ZBTB16: variants seen among roughly 807,000 people sequenced by gnomAD.
The protein encoded by ZBTB16 is zinc finger and BTB domain-containing protein 16.
In ZBTB16, 8 loss-of-function variants were observed where a neutral mutation model predicts 56.8. That is an observed-to-expected ratio of 0.14 (90% CI 0.08 to 0.25). The LOEUF is 0.25. ZBTB16 is among the 10% of genes least tolerant of loss of function. ZBTB16 has a pLI of 1.00. For synonymous variants in ZBTB16, 363 were observed against 368.5 expected (o/e 0.98, Z 0.17); for missense variants, 625 against 903.0 (o/e 0.69, Z 3.95).
intron 4 of ZBTB16, among the ~76,000 whole-genome samples, chr11:114,223,935 G>A (rs763040203): frequency 6.6e-6 from 1 of 152,158 alleles, no homozygotes; most frequent in Non-Finnish European, 1.5e-5. Context: ...ACAAGTTCAT[G>A]GAACTGAAAA....
chr11:114,158,451 T>G (rs1477248303), intron 3 of ZBTB16, among the ~76,000 whole-genome samples: 1 of 152,200 alleles, frequency 6.6e-6, no homozygotes, highest in Non-Finnish European at 1.5e-5. Flanking sequence ...TCTTCCAAGG[T>G]CCCTTCCATG....
chr11:114,236,930 C>G (rs1337496129), intron 4 of ZBTB16, among the ~76,000 whole-genome samples: 1 of 152,232 alleles, frequency 6.6e-6, no homozygotes, highest in East Asian at 1.9e-4. Flanking sequence ...GTTGTTGGCA[C>G]TGAATCCTAA....
At chr11:114,246,832 T>G (rs543303766) in intron 5 of ZBTB16, 73 of 299,282 alleles carry the variant, frequency 2.4e-4, no homozygotes, top group African/African-American at 1.5e-3. Flanking sequence ...CTGGAGTGAC[T>G]TTCACCCTTA....
Position 114,237,908 on chromosome 11 carries a change from G to A in ZBTB16, c.1454-4259G>A, listed in dbSNP as rs11214912. ...GGGAAAGTGGATGCTGAGTCTCAGA[G>A]GCTCCCCTTTCTTCCCCTGGGAGCC... On this transcript the variant is annotated intron_variant, in intron 4 of 6. Coordinates refer to ENST00000335953, the MANE Select transcript of ZBTB16 (RefSeq NM_006006.6). Among the ~76,000 whole-genome samples the A allele has an allele frequency of 1.3e-4, 20 of 152,278 alleles. No homozygotes were observed. In the East Asian group the frequency reaches 3.9e-3, roughly 29 times the overall value.
At chr11:114,139,559 C>A (rs920481509) in intron 2 of ZBTB16, among the ~76,000 whole-genome samples, 5 of 151,900 alleles carry the variant, frequency 3.3e-5, no homozygotes, top group East Asian at 1.9e-4. Context: ...TCTCCCCCCC[C>A]AAAGACCAGC....
chr11:114,209,134 T>C (rs1489892114), intron 4 of ZBTB16, among the ~76,000 whole-genome samples: 1 of 152,064 alleles, frequency 6.6e-6, no homozygotes, highest in Non-Finnish European at 1.5e-5. Context: ...AGGAGGTCTT[T>C]TTGCGACTTG....
chr11:114,118,429 A>C (rs1196607128), intron 2 of ZBTB16, among the ~76,000 whole-genome samples: 1 of 151,298 alleles, frequency 6.6e-6, no homozygotes, highest in Non-Finnish European at 1.5e-5. Context: ...TGCTTGCCTC[A>C]CCTCCCAAAG....
chr11:114,083,230 T>TA (rs974991415), intron 2 of ZBTB16, among the ~76,000 whole-genome samples: 3 of 152,258 alleles, frequency 2.0e-5, no homozygotes, highest in African/African-American at 7.2e-5. Context: ...TTGTCTTTTT[T>TA]AAAAAAAGAA....
At chr11:114,206,944 C>T (rs920171862) in intron 4 of ZBTB16, among the ~76,000 whole-genome samples, 1 of 152,130 alleles carries the variant, frequency 6.6e-6, no homozygotes, top group African/African-American at 2.4e-5. Context: ...GGTCTGAAGG[C>T]AAGTGACACT....
chr11:114,170,414 A>C (rs1276829994), intron 3 of ZBTB16, among the ~76,000 whole-genome samples: 2 of 152,144 alleles, frequency 1.3e-5, no homozygotes, highest in Non-Finnish European at 2.9e-5. Flanking sequence ...TTTAGTGAAG[A>C]CTGAGCTTGT....
chr11:114,092,901 T>C (rs238940), intron 2 of ZBTB16, among the ~76,000 whole-genome samples: 125,660 of 152,066 alleles, frequency 0.83, 54,186 homozygotes, highest in Non-Finnish European at 0.95. Flanking sequence ...GCATGTTCCC[T>C]TCTGGTCTCC....
At position 114,255,250 on chromosome 11, in the gene ZBTB16, G is replaced by A. The variant is rs914512094; in HGVS notation, c.*4695G>A. ...TTGTGGCTTGTCTTATGTCGTGATA[G>A]CACAAGTGCCAGTCGGATTGCTCTG... On this transcript the variant is annotated 3_prime_UTR_variant, in exon 7 of 7. Coordinates refer to ENST00000335953, the MANE Select transcript of ZBTB16 (RefSeq NM_006006.6). Among the ~76,000 whole-genome samples, 2 of 152,102 alleles carry A rather than the reference G, an allele frequency of 1.3e-5. No individual in the cohort carries two copies. Among genetic ancestry groups the A allele is most frequent in the African/African-American group, 4.8e-5 (2 of 41,420 alleles).
In ZBTB16 at chr11:114,213,056, C is replaced by T. The variant is rs555788190; in HGVS notation, c.1453+26018C>T. ...TTGTCTGTCTGTTCCCCCATCCCCCCGACCCCCTGTGTGCCCACAGGGGGC... is the reference window on the plus strand; with the variant it reads ...TTGTCTGTCTGTTCCCCCATCCCCCTGACCCCCTGTGTGCCCACAGGGGGC... On this transcript the variant is annotated intron_variant, in intron 4 of 6. Coordinates refer to ENST00000335953, the MANE Select transcript of ZBTB16 (RefSeq NM_006006.6). Among the ~76,000 whole-genome samples the T allele has an allele frequency of 1.7e-3, 265 of 152,088 alleles. 1 individual carries two copies. Among genetic ancestry groups the T allele is most frequent in the African/African-American group, 4.1e-3 (172 of 41,494 alleles).
chr11:114,167,231 G>T lies in ZBTB16; in HGVS notation c.1366+10797G>T, dbSNP rs148954512. ...TGGATTTGTGGTTTTTTTTTTTTTT[G>T]GTTTTTTTTTTTTTTTTTTTTTGAC... On this transcript the variant is annotated intron_variant, in intron 3 of 6. Transcript: ENST00000335953. Among the ~76,000 whole-genome samples the T allele has an allele frequency of 7.5e-3, 322 of 43,110 alleles. 18 individuals are homozygous for T. The highest frequency in any genetic ancestry group is 0.016 in the South Asian group (10 of 610). 28.3% of individuals were successfully genotyped at this position (43,110 alleles called of 152,430 possible). A position where few individuals can be genotyped will look rare whatever the true frequency, so the allele number is the denominator to read the frequency against.
chr11:114,109,002 G>GT lies in ZBTB16; in HGVS notation c.1268+44435dup, dbSNP rs374072254. Among the ~76,000 whole-genome samples the GT allele has an allele frequency of 1.7e-3, 253 of 152,312 alleles. 1 individual carries two copies. The highest frequency in any genetic ancestry group is 5.0e-3 in the South Asian group (24 of 4,830). On this transcript the variant is annotated intron_variant, in intron 2 of 6. Transcript: ENST00000335953. ...CTGCGTGTGCTTCCCTAGTGGGGCT[G>GT]TCCCACTTTTGGAGTGGGGACGGGG... is the stretch of plus-strand genomic sequence containing the variant.
intron 2 of ZBTB16, among the ~76,000 whole-genome samples, chr11:114,150,224 T>C (rs892729686): frequency 2.0e-5 from 3 of 152,186 alleles, no homozygotes; most frequent in Non-Finnish European, 4.4e-5. Flanking sequence ...GAAGGGAACA[T>C]TCCCCAGAGT....
At chr11:114,096,929 T>G (rs947113261) in intron 2 of ZBTB16, among the ~76,000 whole-genome samples, 1 of 152,236 alleles carries the variant, frequency 6.6e-6, no homozygotes, top group Non-Finnish European at 1.5e-5. Context: ...GGGAGTGTTA[T>G]GTGTATACAC....
intron 3 of ZBTB16, among the ~76,000 whole-genome samples, chr11:114,161,882 C>T (rs970323213): frequency 6.6e-6 from 1 of 152,104 alleles, no homozygotes. Context: ...GAAGACTGGC[C>T]GTCTGTGTTG....
At chr11:114,090,469 C>T (rs1021774121) in intron 2 of ZBTB16, among the ~76,000 whole-genome samples, 3 of 152,218 alleles carry the variant, frequency 2.0e-5, no homozygotes, top group African/African-American at 7.2e-5. Flanking sequence ...CCTGGCCTAG[C>T]CAGGGGAGCT....
Sources: allele counts gnomAD v4.1 joint callset (sites outside exome capture counted in the v4.1 genomes callset), GRCh38; gene constraint gnomAD v4.1.1; transcripts MANE v1.5; gene names NCBI Gene and HGNC (gene_info 2026-07-23, HGNC 2026-07-21).